Variants in RAB22A observed in about 807,000 individuals in gnomAD.
RAB22A encodes the protein ras-related protein Rab-22A.
In RAB22A, 13 loss-of-function variants were observed where a neutral mutation model predicts 30.2. The observed-to-expected ratio is 0.43, with a 90% CI of 0.28 to 0.68. RAB22A has a LOEUF of 0.68. RAB22A is among the 30% of genes least tolerant of loss of function. The pLI is 0.18. For synonymous variants in RAB22A, 89 were observed against 87.2 expected (o/e 1.02, Z -0.11); for missense variants, 177 against 246.8 (o/e 0.72, Z 1.89).
intron 2 of RAB22A, among the ~76,000 whole-genome samples, chr20:58,338,665 G>A (rs112387129): frequency 6.0e-4 from 91 of 152,198 alleles, no homozygotes; most frequent in Middle Eastern, 3.4e-3. Context: ...CCAAATGTGC[G>A]CTTAAATTCA....
intron 2 of RAB22A, among the ~76,000 whole-genome samples, chr20:58,316,577 C>T (rs549476927): frequency 6.6e-6 from 1 of 152,226 alleles, no homozygotes; most frequent in South Asian, 2.1e-4. Flanking sequence ...CGTAGTGAGC[C>T]ATTGTGTAGT....
Position 58,309,900 on chromosome 20 carries a change from G to C in RAB22A, c.-77G>C. 8.1e-7 allele frequency: 1 copy of C among 1,228,214 alleles called. No homozygotes were observed. The allele number at this position is 1,228,214 out of a possible 1,614,324, so 76.1% of individuals were successfully genotyped here. A position where few individuals can be genotyped will look rare whatever the true frequency, so the allele number is the denominator to read the frequency against. On this transcript the variant is annotated 5_prime_UTR_variant, in exon 1 of 7. Transcript: ENST00000244040. ...GGCCGTGCGGCGGCAGCGGCGCCAG[G>C]GGATGCTCTTGCTGGGCCTGGCCTC...
chr20:58,342,090 C>T (rs1204820122), intron 2 of RAB22A, among the ~76,000 whole-genome samples: 1 of 152,198 alleles, frequency 6.6e-6, no homozygotes, highest in African/African-American at 2.4e-5. Context: ...CCACATACAT[C>T]ATCTCATTTA....
intron 2 of RAB22A, among the ~76,000 whole-genome samples, chr20:58,313,176 A>ACT (rs1986265886): frequency 6.6e-6 from 1 of 152,158 alleles, no homozygotes; most frequent in Admixed American, 6.5e-5. Flanking sequence ...CTGAGTGTCC[A>ACT]CTGTTCCCTT....
intron 2 of RAB22A, among the ~76,000 whole-genome samples, chr20:58,331,305 T>A (rs945623505): frequency 2.0e-5 from 3 of 152,162 alleles, no homozygotes; most frequent in Admixed American, 1.3e-4. Flanking sequence ...GTGTTTTTTT[T>A]AATCTTCGTA....
chr20:58,342,315 T>C (rs1390402269), intron 2 of RAB22A, among the ~76,000 whole-genome samples: 3 of 152,252 alleles, frequency 2.0e-5, no homozygotes, highest in Non-Finnish European at 4.4e-5. Flanking sequence ...TCAGTAAATA[T>C]GATCTTGCCT....
At chr20:58,325,357 A>G (rs1294209949) in intron 2 of RAB22A, among the ~76,000 whole-genome samples, 26 of 149,890 alleles carry the variant, frequency 1.7e-4, no homozygotes, top group Non-Finnish European at 2.8e-4. Context: ...CATGCCTGTA[A>G]TCCCAGCTAC....
chr20:58,347,245 T>G (rs1474675154), intron 3 of RAB22A, among the ~76,000 whole-genome samples: 3 of 152,244 alleles, frequency 2.0e-5, no homozygotes, highest in African/African-American at 7.2e-5. Flanking sequence ...AGATGGATTG[T>G]CTTTCTGATG....
chr20:58,321,189 C>CAA (rs776776631), intron 2 of RAB22A, among the ~76,000 whole-genome samples: 2 of 117,056 alleles, frequency 1.7e-5, no homozygotes, highest in African/African-American at 3.1e-5. Context: ...GACTCCATCT[C>CAA]AAAAAAAAAA....
At chr20:58,317,659 T>G (rs1473977562) in intron 2 of RAB22A, among the ~76,000 whole-genome samples, 1 of 147,340 alleles carries the variant, frequency 6.8e-6, no homozygotes, top group Non-Finnish European at 1.5e-5. Flanking sequence ...CCCGGGTTCA[T>G]GCCATTCTCC....
chr20:58,354,501 C>T (rs79026527), intron 6 of RAB22A, among the ~76,000 whole-genome samples: 1 of 152,218 alleles, frequency 6.6e-6, no homozygotes, highest in Non-Finnish European at 1.5e-5. Flanking sequence ...GCACAGGGTA[C>T]TGAGGTCATG....
chr20:58,340,891 C>T (rs1195650044), intron 2 of RAB22A, among the ~76,000 whole-genome samples: 1 of 152,108 alleles, frequency 6.6e-6, no homozygotes, highest in Non-Finnish European at 1.5e-5. Flanking sequence ...AGTGGGAAAG[C>T]ATCCAAGGAA....
Position 58,354,233 on chromosome 20 carries a change from C to A in RAB22A, c.455C>A (p.Ala152Glu). The A allele has an allele frequency of 6.2e-7, 1 of 1,613,382 alleles. No homozygotes were observed. The highest frequency in any genetic ancestry group is 8.5e-7 in the Non-Finnish European group (1 of 1,179,494). Residue 152 changes from alanine (A) to glutamate (E), a missense_variant, in exon 6 of 7, where the codon GCG (alanine) becomes GAG (glutamate). Transcript: ENST00000244040. Reference protein sequence around the residue: ...AIFVETSAKNAININELFIEI... With the variant: ...AIFVETSAKNEININELFIEI... ...TTTGTAGAGACCAGCGCAAAAAACG[C>A]GATAAACATAAATGAACTCTTTATA... is the stretch of plus-strand genomic sequence containing the variant.
intron 6 of RAB22A, among the ~76,000 whole-genome samples, chr20:58,354,866 C>T (rs367782987): frequency 1.3e-5 from 2 of 152,170 alleles, no homozygotes; most frequent in Non-Finnish European, 2.9e-5. Context: ...AGACGCAGCC[C>T]CTGCTCTCCT....
intron 2 of RAB22A, 94 bp from the exon 3 acceptor site, chr20:58,343,624 C>T: frequency 1.1e-6 from 1 of 908,740 alleles, no homozygotes; most frequent in Non-Finnish European, 1.8e-6. Context: ...TGCTGGGAGA[C>T]TGAGCGTTGG....
intron 2 of RAB22A, among the ~76,000 whole-genome samples, chr20:58,314,099 A>G (rs964398366): frequency 7.4e-5 from 11 of 148,578 alleles, no homozygotes; most frequent in Non-Finnish European, 1.3e-4. Context: ...CCCAGGCTGG[A>G]TTGTAATGAC....
At chr20:58,319,650 T>C (rs1986413974) in intron 2 of RAB22A, among the ~76,000 whole-genome samples, 1 of 152,212 alleles carries the variant, frequency 6.6e-6, no homozygotes, top group Non-Finnish European at 1.5e-5. Flanking sequence ...GGAAGAATTG[T>C]CATCTTAACA....
intron 2 of RAB22A, among the ~76,000 whole-genome samples, chr20:58,343,122 AACCC>A (rs1986884418): frequency 6.6e-6 from 1 of 152,098 alleles, no homozygotes; most frequent in Non-Finnish European, 1.5e-5. Flanking sequence ...TCAGCTGAGA[AACCC>A]GTTTTGTCGA....
At chr20:58,355,584 C>T (rs554206256) in intron 6 of RAB22A, among the ~76,000 whole-genome samples, 1 of 152,230 alleles carries the variant, frequency 6.6e-6, no homozygotes, top group South Asian at 2.1e-4. Context: ...ACTCCAGAGG[C>T]TGAGGCAGGA....
Sources: allele counts gnomAD v4.1 joint callset (sites outside exome capture counted in the v4.1 genomes callset), GRCh38; gene constraint gnomAD v4.1.1; transcripts MANE v1.5; gene names NCBI Gene and HGNC (gene_info 2026-07-23, HGNC 2026-07-21).